Variants in COBL observed in about 807,000 individuals in gnomAD.
COBL encodes cordon-bleu WH2 repeat protein.
COBL carries 51 observed loss-of-function variants against 98.8 expected under a neutral mutation model. The observed-to-expected ratio is 0.52, with a 90% CI of 0.41 to 0.65. The LOEUF is 0.65. Ranked by LOEUF, COBL falls within the 30% of genes least tolerant of loss-of-function variation. The pLI is 0.00. For missense variants in COBL, 1,617 were observed against 1,617.5 expected (o/e 1.00, Z 0.01); for synonymous variants, 634 against 651.7 (o/e 0.97, Z 0.41).
At chr7:51,230,533 C>CA (rs1321730571) in intron 1 of COBL, among the ~76,000 whole-genome samples, 1 of 152,170 alleles carries the variant, frequency 6.6e-6, no homozygotes, top group African/African-American at 2.4e-5. Context: ...CACCCCTGCT[C>CA]CACTGCTGCT....
At chr7:51,046,678 GTGGAGCTGCT>G (rs1789736138) in intron 7 of COBL, among the ~76,000 whole-genome samples, 1 of 152,066 alleles carries the variant, frequency 6.6e-6, no homozygotes, top group Non-Finnish European at 1.5e-5. Context: ...AAAGGAAAAC[GTGGAGCTGCT>G]TGGGCTGCAT....
chr7:51,117,677 T>C (rs928996802), intron 6 of COBL, among the ~76,000 whole-genome samples: 1 of 152,202 alleles, frequency 6.6e-6, no homozygotes, highest in Non-Finnish European at 1.5e-5. Context: ...AATTCCAACA[T>C]CTCAGTCATC....
chr7:51,200,290 A>C (rs1790995619), intron 2 of COBL, among the ~76,000 whole-genome samples: 1 of 152,248 alleles, frequency 6.6e-6, no homozygotes, highest in South Asian at 2.1e-4. Context: ...AAACAGCATC[A>C]TGAAAGCATA....
chr7:51,027,562 G>A (rs1787696678), intron 10 of COBL, 150 bp downstream of exon 10: 1 of 683,648 alleles, frequency 1.5e-6, no homozygotes, highest in East Asian at 2.7e-5. Context: ...AGTATGATGG[G>A]AATTCTAGTT....
At chr7:51,053,743 G>T (rs568464398) in intron 7 of COBL, among the ~76,000 whole-genome samples, 2 of 152,184 alleles carry the variant, frequency 1.3e-5, no homozygotes, top group Non-Finnish European at 2.9e-5. Context: ...CCCCTCGGCC[G>T]GGCCCGGCCA....
chr7:51,238,066 G>A (rs1046277131), intron 1 of COBL, among the ~76,000 whole-genome samples: 1 of 152,232 alleles, frequency 6.6e-6, no homozygotes, highest in Non-Finnish European at 1.5e-5. Context: ...ATCTGACCAA[G>A]ATGGCCCACG....
intron 7 of COBL, chr7:51,083,150 G>C (rs941663366): frequency 3.3e-6 from 5 of 1,504,188 alleles, no homozygotes; most frequent in Non-Finnish European, 8.8e-7. Context: ...AGGGTAGGGC[G>C]GGGGTGGGGG....
intron 1 of COBL, among the ~76,000 whole-genome samples, chr7:51,299,341 T>A (rs1213936112): frequency 2.0e-5 from 3 of 152,228 alleles, no homozygotes; most frequent in Non-Finnish European, 2.9e-5. Flanking sequence ...TGCAAATCCT[T>A]TGCTTCGATT....
chr7:51,246,679 T>C (rs1796295294), intron 1 of COBL, among the ~76,000 whole-genome samples: 1 of 152,170 alleles, frequency 6.6e-6, no homozygotes, highest in East Asian at 1.9e-4. Flanking sequence ...CATTATAATG[T>C]TTATGAAGAA....
chr7:51,179,801 C>T (rs2129049429), intron 5 of COBL, among the ~76,000 whole-genome samples: 1 of 152,260 alleles, frequency 6.6e-6, no homozygotes, highest in Non-Finnish European at 1.5e-5. Context: ...AATTTCAAAC[C>T]TGATGAGTTC....
chr7:51,188,519 T>A (rs185986155), intron 4 of COBL, among the ~76,000 whole-genome samples: 16 of 152,278 alleles, frequency 1.1e-4, no homozygotes, highest in Admixed American at 2.0e-4. Context: ...ACAGGCATGG[T>A]CCAGACGAAA....
At chr7:51,282,867 C>T (rs1248526855) in intron 1 of COBL, among the ~76,000 whole-genome samples, 1 of 151,650 alleles carries the variant, frequency 6.6e-6, no homozygotes, top group Non-Finnish European at 1.5e-5. Context: ...TCTAACCATA[C>T]TGAAATTAGA....
At position 51,187,331 on chromosome 7, in the gene COBL, T is replaced by TATATATACAC. The variant is rs1554421096; in HGVS notation, c.686-3133_686-3132insGTGTATATAT. On this transcript the variant is annotated intron_variant, in intron 4 of 12. Coordinates refer to ENST00000265136, the MANE Select transcript of COBL (RefSeq NM_015198.5). ...TTAAGTATATATATATATATATATA[T>TATATATACAC]ACACACACACACACACACACACACA... 5.9e-5 allele frequency among the ~76,000 whole-genome samples: 6 copies of TATATATACAC among 101,424 alleles called. No homozygotes were observed. The East Asian group carries it at 8.4e-4, about 14-fold the overall frequency. The allele number at this position is 101,424 out of a possible 152,430, so 66.5% of individuals were successfully genotyped here. A position where few individuals can be genotyped will look rare whatever the true frequency, so the allele number is the denominator to read the frequency against.
chr7:51,026,519 C>A lies in COBL; in HGVS notation c.3504+27G>T, dbSNP rs2285841. 5 of 1,607,814 alleles carry A rather than the reference C, an allele frequency of 3.1e-6. No individual in the cohort carries two copies. In the African/African-American group the frequency reaches 4.0e-5, roughly 13 times the overall value. ...GGGGTGGGTGGGTTTGAGCTCCTGG[C>A]GCCATGGAAGGCCCTTCACCTCTTA... is the stretch of plus-strand genomic sequence containing the variant. On this transcript the variant is annotated intron_variant, in intron 11 of 12. Transcript: ENST00000265136.
chr7:51,088,786 T>C lies in COBL; in HGVS notation c.958-3482A>G, dbSNP rs557701983. On this transcript the variant is annotated intron_variant, in intron 6 of 12. Coordinates refer to ENST00000265136, the MANE Select transcript of COBL (RefSeq NM_015198.5). ...TCCCCAGATATTCATACCTGCAGGA[T>C]TGTCTGCTAGCTCGGCCATCTTCTG... Among the ~76,000 whole-genome samples, 8 of 152,332 alleles carry C rather than the reference T, an allele frequency of 5.3e-5. No individual in the cohort carries two copies. In the South Asian group the frequency reaches 1.2e-3, roughly 24 times the overall value.
chr7:51,143,039 G>C (rs1450246644), intron 5 of COBL, among the ~76,000 whole-genome samples: 1 of 152,138 alleles, frequency 6.6e-6, no homozygotes, highest in Non-Finnish European at 1.5e-5. Context: ...AAAGTAAGAG[G>C]AAGGGCATCA....
At chr7:51,290,550 G>C (rs1384495400) in intron 1 of COBL, among the ~76,000 whole-genome samples, 1 of 152,118 alleles carries the variant, frequency 6.6e-6, no homozygotes, top group East Asian at 1.9e-4. Flanking sequence ...TCAGAACAAA[G>C]GGTGCGTGAA....
chr7:51,055,644 G>A (rs1275051285), intron 7 of COBL, among the ~76,000 whole-genome samples: 1 of 152,208 alleles, frequency 6.6e-6, no homozygotes, highest in Non-Finnish European at 1.5e-5. Flanking sequence ...TGGGCCCAGG[G>A]GTGCATGTTC....
intron 6 of COBL, among the ~76,000 whole-genome samples, chr7:51,085,916 C>A (rs183717679): frequency 3.9e-5 from 6 of 152,204 alleles, no homozygotes; most frequent in Admixed American, 3.3e-4. Context: ...GGACATTAGC[C>A]CCCAACCACA....
Sources: allele counts gnomAD v4.1 joint callset (sites outside exome capture counted in the v4.1 genomes callset), GRCh38; gene constraint gnomAD v4.1.1; transcripts MANE v1.5; gene names NCBI Gene and HGNC (gene_info 2026-07-23, HGNC 2026-07-21).